The following GRM7 variants were observed in gnomAD, a reference collection of about 807,000 sequenced individuals.
The protein encoded by GRM7 is metabotropic glutamate receptor 7.
In GRM7, 35 loss-of-function variants were observed where a neutral mutation model predicts 84.5. The ratio of observed to expected loss-of-function variants is 0.41; its 90% CI spans 0.32 to 0.55. The LOEUF is 0.55. Ranked by LOEUF, GRM7 falls within the 20% of genes least tolerant of loss-of-function variation. The pLI is 0.19. For missense variants in GRM7, 1,003 were observed against 1,194.6 expected (o/e 0.84, Z 2.36); for synonymous variants, 487 against 455.1 (o/e 1.07, Z -0.89).
chr3:7,628,185 T>G (rs1697703841), intron 8 of GRM7, among the ~76,000 whole-genome samples: 1 of 152,174 alleles, frequency 6.6e-6, no homozygotes, highest in African/African-American at 2.4e-5. Context: ...CCACTTAAAA[T>G]GGGTAGCACA....
intron 9 of GRM7, among the ~76,000 whole-genome samples, chr3:7,684,874 T>G (rs1700515696): frequency 6.6e-6 from 1 of 152,156 alleles, no homozygotes; most frequent in African/African-American, 2.4e-5. Flanking sequence ...ATTTTATTTA[T>G]GCAAATAAGA....
intron 7 of GRM7, among the ~76,000 whole-genome samples, chr3:7,496,060 G>A (rs568181139): frequency 7.2e-5 from 11 of 152,168 alleles, no homozygotes; most frequent in East Asian, 1.9e-4. Flanking sequence ...CTCATCCTGC[G>A]TCCCTCTTAT....
chr3:7,634,910 CT>C (rs1328654401), intron 8 of GRM7, among the ~76,000 whole-genome samples: 2 of 152,200 alleles, frequency 1.3e-5, no homozygotes, highest in Non-Finnish European at 1.5e-5. Context: ...GATATAAAGG[CT>C]TTCTCAAAGA....
chr3:7,292,728 A>ATTT (rs1559558238), intron 2 of GRM7, among the ~76,000 whole-genome samples: 120 of 148,576 alleles, frequency 8.1e-4, no homozygotes, highest in African/African-American at 2.6e-3. Flanking sequence ...TTTTTTTTTA[A>ATTT]AAAAAAAAAC....
In GRM7 at chr3:7,546,008, T is replaced by G. The variant is rs577180222; in HGVS notation, c.1516-32414T>G. Reference sequence around the variant, plus strand: ...TAAATACAGTATATAAATTACTTAGTGTAGTGCCTGGTTCATTATTTATCA... The same window carrying G: ...TAAATACAGTATATAAATTACTTAGGGTAGTGCCTGGTTCATTATTTATCA... On this transcript the variant is annotated intron_variant, in intron 7 of 9. Transcript: ENST00000357716. 7.9e-5 allele frequency among the ~76,000 whole-genome samples: 12 copies of G among 152,336 alleles called. No individual in the cohort carries two copies. The East Asian group carries it at 2.1e-3, about 27-fold the overall frequency.
chr3:7,276,205 ATATGTG>A (rs1276354974), intron 2 of GRM7, among the ~76,000 whole-genome samples: 42 of 90,000 alleles, frequency 4.7e-4, no homozygotes, highest in African/African-American at 9.0e-4. Flanking sequence ...ATATATATAT[ATATGTG>A]TGTGTGTGTG....
chr3:7,051,249 C>T (rs576492200), intron 1 of GRM7, among the ~76,000 whole-genome samples: 3 of 151,712 alleles, frequency 2.0e-5, no homozygotes, highest in Non-Finnish European at 4.4e-5. Context: ...AACGTTCAAA[C>T]TCTTTTCTCA....
At chr3:7,336,091 CA>C (rs200897454) in intron 4 of GRM7, among the ~76,000 whole-genome samples, 5,939 of 148,900 alleles carry the variant, frequency 0.04, 246 homozygotes, top group African/African-American at 0.11. Flanking sequence ...AAGAACGTAA[CA>C]AAAAAAAACA....
chr3:7,011,429 C>T (rs1339470767), intron 1 of GRM7, among the ~76,000 whole-genome samples: 2 of 118,124 alleles, frequency 1.7e-5, no homozygotes, highest in African/African-American at 5.0e-5. Context: ...TGCTCATGTT[C>T]CACCAAAAGC....
intron 9 of GRM7, chr3:7,681,023 A>G (rs1475055841): frequency 6.6e-6 from 1 of 152,288 alleles, no homozygotes; most frequent in Non-Finnish European, 1.5e-5. Context: ...ATGGGCATAT[A>G]GCTATCACTT....
At chr3:7,368,140 C>T (rs772666794) in intron 4 of GRM7, among the ~76,000 whole-genome samples, 5 of 151,894 alleles carry the variant, frequency 3.3e-5, no homozygotes, top group Admixed American at 1.3e-4. Context: ...AATATTTAAG[C>T]TGTGTGGACT....
intron 2 of GRM7, among the ~76,000 whole-genome samples, chr3:7,252,634 C>T (rs1447684243): frequency 8.7e-6 from 1 of 114,944 alleles, no homozygotes; most frequent in Non-Finnish European, 1.9e-5. Context: ...TCTGGCTTGG[C>T]TTGGCTTAGC....
intron 8 of GRM7, among the ~76,000 whole-genome samples, chr3:7,657,117 T>C (rs1470363830): frequency 3.3e-5 from 5 of 152,188 alleles, no homozygotes; most frequent in Admixed American, 6.5e-5. Context: ...ACAATCCCGA[T>C]GTTCTTCAGC....
At chr3:7,218,652 A>G (rs1222581599) in intron 2 of GRM7, among the ~76,000 whole-genome samples, 1 of 151,968 alleles carries the variant, frequency 6.6e-6, no homozygotes, top group Non-Finnish European at 1.5e-5. Context: ...TTTCTGATTA[A>G]TTGGGAAGGT....
chr3:6,909,854 A>C (rs1696706160), intron 1 of GRM7, among the ~76,000 whole-genome samples: 1 of 152,220 alleles, frequency 6.6e-6, no homozygotes, highest in East Asian at 1.9e-4. Flanking sequence ...GTAAATTTTT[A>C]TGTAAAAATT....
chr3:7,222,095 C>T (rs1411934055), intron 2 of GRM7, among the ~76,000 whole-genome samples: 1 of 151,810 alleles, frequency 6.6e-6, no homozygotes, highest in African/African-American at 2.4e-5. Context: ...AGGCGCGAGC[C>T]CCCGCACCCA....
chr3:7,456,693 CTCT>C (rs1483239195), intron 6 of GRM7, among the ~76,000 whole-genome samples: 3 of 72,324 alleles, frequency 4.1e-5, no homozygotes, highest in African/African-American at 1.1e-4. Context: ...TTTTCTCTCT[CTCT>C]TTTTTTTTTT....
At position 6,925,387 on chromosome 3, in the gene GRM7, C is replaced by T. The variant is rs79711356; in HGVS notation, c.519+63480C>T. 2.6e-5 allele frequency among the ~76,000 whole-genome samples: 4 copies of T among 152,024 alleles called. No homozygotes were observed. The South Asian group carries it at 8.3e-4, about 32-fold the overall frequency. ...CTCAGCACCCTTCTCAAAAGAGTTA[C>T]CTGCTTTATACCATACTTGAGAAGG... On this transcript the variant is annotated intron_variant, in intron 1 of 9. Coordinates refer to ENST00000357716, the MANE Select transcript of GRM7 (RefSeq NM_000844.4).
chr3:7,474,749 A>G (rs568785232), intron 7 of GRM7, among the ~76,000 whole-genome samples: 9 of 152,190 alleles, frequency 5.9e-5, no homozygotes, highest in African/African-American at 9.6e-5. Context: ...TCATGATGTC[A>G]CGTTTACAGT....
Sources: gnomAD v4.1 joint callset for allele counts (sites outside exome capture counted in the v4.1 genomes callset) on GRCh38, gnomAD v4.1.1 for gene constraint, MANE v1.5 for transcripts, NCBI Gene and HGNC (gene_info 2026-07-23, HGNC 2026-07-21) for gene names.